SLC26A7: variants seen among roughly 807,000 people sequenced by gnomAD.
SLC26A7 encodes anion exchange transporter.
SLC26A7 carries 59 observed loss-of-function variants against 82.5 expected under a neutral mutation model. The ratio of observed to expected loss-of-function variants is 0.72; its 90% confidence interval spans 0.58 to 0.89. The LOEUF is 0.89. Ranked by LOEUF, SLC26A7 falls within the 40% of genes least tolerant of loss-of-function variation. SLC26A7 has a pLI of 0.00. For missense variants in SLC26A7, 820 were observed against 793.0 expected, an observed-to-expected ratio of 1.03 and a Z score of -0.41; for synonymous variants, 271 against 274.3, an observed-to-expected ratio of 0.99 and a Z score of 0.12.
At chr8:91,359,080 A>G (rs997152357) in intron 11 of SLC26A7, among the ~76,000 whole-genome samples, 12 of 152,226 alleles carry the variant, frequency 7.9e-5, no homozygotes, top group African/African-American at 2.9e-4. Flanking sequence ...AAAGTATAAT[A>G]AAAATATAAA....
intron 4 of SLC26A7, among the ~76,000 whole-genome samples, chr8:91,297,111 A>T (rs930989006): frequency 1.3e-5 from 2 of 152,040 alleles, no homozygotes; most frequent in East Asian, 3.8e-4. Context: ...TTTCATTCAT[A>T]TTTCTTTTTG....
At position 91,395,255 on chromosome 8, in the gene SLC26A7, C is replaced by A; in HGVS notation, c.*158C>A. On this transcript the variant is annotated 3_prime_UTR_variant, in exon 19 of 19. Transcript: ENST00000276609. ...GTAACTGCATAGCAGTTGGAAAGAA[C>A]TGCCAACTTTTTTTTCTCATTTTTG... 13 of 1,398,412 alleles carry A rather than the reference C, an allele frequency of 9.3e-6. No individual in the cohort carries two copies. The highest frequency in any genetic ancestry group is 1.2e-5 in the Non-Finnish European group (13 of 1,074,540). 86.6% of individuals were successfully genotyped at this position (1,398,412 alleles called of 1,614,324 possible). A position where few individuals can be genotyped will look rare whatever the true frequency, so the allele number is the denominator to read the frequency against.
At chr8:91,234,796 CCTACCTA>C (rs1563637429) in intron 2 of SLC26A7, among the ~76,000 whole-genome samples, 89 of 63,344 alleles carry the variant, frequency 1.4e-3, no homozygotes, top group African/African-American at 6.1e-3. Context: ...TCCCTCCCTA[CCTACCTA>C]CCTACCTACC....
chr8:91,375,659 TG>T (rs1467084958), intron 15 of SLC26A7, among the ~76,000 whole-genome samples: 1 of 145,284 alleles, frequency 6.9e-6, no homozygotes, highest in African/African-American at 2.7e-5. Flanking sequence ...GCCTTTAAGT[TG>T]TTTTTTTTTT....
rs970165720 is a variant in SLC26A7 at position 91,343,168 on chromosome 8, C to T, written c.1027-185C>T. 1.9e-5 allele frequency: 10 copies of T among 537,396 alleles called. No homozygotes were observed. The African/African-American group carries it at 1.9e-4, about 10-fold the overall frequency. 33.3% of individuals were successfully genotyped at this position (537,396 alleles called of 1,614,324 possible). ...ATTAAATGAGTAAAGTGCTTGAGAA[C>T]AATTTCTTGCTCATTGTAAGCACCC... On this transcript the variant is annotated intron_variant, in intron 8 of 18. Coordinates refer to ENST00000276609, the MANE Select transcript of SLC26A7 (RefSeq NM_052832.4).
chr8:91,292,230 C>G (rs765607904), intron 3 of SLC26A7, among the ~76,000 whole-genome samples: 9 of 150,728 alleles, frequency 6.0e-5, no homozygotes, highest in Non-Finnish European at 8.8e-5. Flanking sequence ...GGTGTGAACC[C>G]GGGAGGCAGA....
At chr8:91,267,070 T>C (rs4379409) in intron 2 of SLC26A7, among the ~76,000 whole-genome samples, 129,584 of 151,912 alleles carry the variant, frequency 0.85, 55,962 homozygotes, top group African/African-American at 0.95. Context: ...ACCTTCCTTG[T>C]GTCCCTGGGA....
chr8:91,310,673 A>C (rs768039960), intron 4 of SLC26A7, among the ~76,000 whole-genome samples: 1 of 152,204 alleles, frequency 6.6e-6, no homozygotes, highest in African/African-American at 2.4e-5. Context: ...GGAAAATTCA[A>C]CTGGGAAGGG....
intron 2 of SLC26A7, among the ~76,000 whole-genome samples, chr8:91,242,411 T>C (rs1325009706): frequency 7.2e-6 from 1 of 138,228 alleles, no homozygotes; most frequent in Non-Finnish European, 1.7e-5. Flanking sequence ...ATGATTTTAA[T>C]AAAGGCCTAT....
At position 91,389,370 on chromosome 8, in the gene SLC26A7, T is replaced by G; in HGVS notation, c.1708T>G (p.Cys570Gly). ...EASQSCPNEK[C>G]YLILDCSGFT... ...TTCACAGTCCTGCCCTAATGAGAAG[T>G]GTTATTTAATCCTGGATTGCAGTGG... Residue 570 changes from cysteine (C) to glycine (G), a missense_variant, in exon 16 of 19, where the codon TGT becomes GGT. By Grantham distance (159) the Cys-to-Gly change is radical. Coordinates refer to ENST00000276609, the MANE Select transcript of SLC26A7 (RefSeq NM_052832.4). The G allele has an allele frequency of 6.2e-7, 1 of 1,614,046 alleles. No individual in the cohort carries two copies.
At chr8:91,300,537 A>G (rs1812135740) in intron 4 of SLC26A7, among the ~76,000 whole-genome samples, 1 of 151,194 alleles carries the variant, frequency 6.6e-6, no homozygotes, top group Admixed American at 6.6e-5. Context: ...AGCTGGGACT[A>G]CAGGCGCCCG....
At chr8:91,315,177 A>G (rs926770074) in intron 4 of SLC26A7, among the ~76,000 whole-genome samples, 3 of 152,226 alleles carry the variant, frequency 2.0e-5, no homozygotes, top group African/African-American at 7.2e-5. Context: ...ACTTTCCAAC[A>G]TTCCAAGTAT....
At chr8:91,222,860 A>G (rs1300465212) in intron 2 of SLC26A7, among the ~76,000 whole-genome samples, 2 of 152,178 alleles carry the variant, frequency 1.3e-5, no homozygotes, top group African/African-American at 4.8e-5. Context: ...TCATAAAATG[A>G]GCGAGGAGTC....
At chr8:91,212,587 T>A (rs1371496179) in intron 1 of SLC26A7, among the ~76,000 whole-genome samples, 2 of 152,178 alleles carry the variant, frequency 1.3e-5, no homozygotes, top group African/African-American at 4.8e-5. Flanking sequence ...CATTTAATAA[T>A]TTTACTCATT....
chr8:91,314,736 C>G (rs6995995), intron 4 of SLC26A7, among the ~76,000 whole-genome samples: 6 of 152,074 alleles, frequency 3.9e-5, no homozygotes, highest in Admixed American at 6.6e-5. Flanking sequence ...AAAGATTTAT[C>G]TTTTGGTAGG....
At chr8:91,299,408 C>G (rs1294139015) in intron 4 of SLC26A7, among the ~76,000 whole-genome samples, 3 of 141,770 alleles carry the variant, frequency 2.1e-5, no homozygotes, top group Non-Finnish European at 4.5e-5. Context: ...TTTTTCTAGA[C>G]TTCCATGATT....
chr8:91,323,246 A>T (rs1432085154), intron 5 of SLC26A7, among the ~76,000 whole-genome samples: 1 of 152,218 alleles, frequency 6.6e-6, no homozygotes, highest in East Asian at 1.9e-4. Context: ...GTTCATCTGT[A>T]ACTTGATTCA....
At chr8:91,357,434 T>C (rs1394918655) in intron 11 of SLC26A7, 1 of 152,134 alleles carries the variant, frequency 6.6e-6, no homozygotes. Flanking sequence ...TTGGGTGGAT[T>C]TTAATAGAGG....
intron 15 of SLC26A7, among the ~76,000 whole-genome samples, chr8:91,383,691 C>T (rs1453038259): frequency 6.6e-6 from 1 of 152,104 alleles, no homozygotes; most frequent in African/African-American, 2.4e-5. Context: ...CTCCAAAACA[C>T]TTCAGTCAGT....
Sources: gnomAD v4.1 joint callset for allele counts (sites outside exome capture counted in the v4.1 genomes callset) on GRCh38, gnomAD v4.1.1 for gene constraint, MANE v1.5 for transcripts, NCBI Gene and HGNC (gene_info 2026-07-23, HGNC 2026-07-21) for gene names.